The following ATF7 variants were observed in gnomAD, a reference collection of about 807,000 sequenced individuals.
ATF7 encodes cyclic AMP-dependent transcription factor ATF-7.
In ATF7, 10 loss-of-function variants were observed where a neutral mutation model predicts 50.4. The observed-to-expected ratio is 0.20, with a 90% CI of 0.12 to 0.34. The LOEUF (loss-of-function observed/expected upper bound fraction) is 0.34. Among genes scored for constraint, ATF7 ranks in the 10% least tolerant of loss-of-function variants. The pLI, the probability that ATF7 is intolerant of heterozygous loss-of-function variation, is 1.00. For synonymous variants in ATF7, 201 were observed against 226.4 expected, an observed-to-expected ratio of 0.89 and a Z score of 1.01; for missense variants, 465 against 613.9, an observed-to-expected ratio of 0.76 and a Z score of 2.56.
chr12:53,597,808 C>CAAA (rs370329144), intron 2 of ATF7, among the ~76,000 whole-genome samples: 2,948 of 80,726 alleles, frequency 0.037, 123 homozygotes, highest in African/African-American at 0.12. Flanking sequence ...AACTCTGTCT[C>CAAA]AAAAAAAAAA....
intron 2 of ATF7, among the ~76,000 whole-genome samples, chr12:53,560,881 C>T (rs964510670): frequency 7.2e-5 from 11 of 151,942 alleles, no homozygotes; most frequent in African/African-American, 2.7e-4. Context: ...TTTGGCAGTA[C>T]TTCATGGACA....
At chr12:53,539,460 G>A (rs917106130) in intron 4 of ATF7, among the ~76,000 whole-genome samples, 6 of 152,100 alleles carry the variant, frequency 3.9e-5, no homozygotes, top group African/African-American at 9.7e-5. Flanking sequence ...TTGGGAATTC[G>A]AGGTGGGAGG....
intron 11 of ATF7, among the ~76,000 whole-genome samples, chr12:53,520,247 T>C (rs1467047624): frequency 6.6e-6 from 1 of 152,102 alleles, no homozygotes. Context: ...AGCTCTGCTG[T>C]CTCCCTTGGG....
Position 53,517,103 on chromosome 12 carries a change from G to C in ATF7, c.*34C>G. The C allele has an allele frequency of 6.2e-7, 1 of 1,600,324 alleles. No individual in the cohort carries two copies. Among genetic ancestry groups the C allele is most frequent in the Non-Finnish European group, 8.5e-7 (1 of 1,176,042 alleles). Reference sequence around the variant, plus strand: ...TCTCTCTTGGCTCTTGGGCGGGCGAGCTCTGGCTGAGGACCTCTCCACCAG... The same window carrying C: ...TCTCTCTTGGCTCTTGGGCGGGCGACCTCTGGCTGAGGACCTCTCCACCAG... On this transcript the variant is annotated 3_prime_UTR_variant, in exon 12 of 12. Transcript: ENST00000420353.
rs192839644 is a variant in ATF7, at chr12:53,579,859, G to A, written c.48+21094C>T. On this transcript the variant is annotated intron_variant, in intron 2 of 11. Coordinates refer to ENST00000420353, the MANE Select transcript of ATF7 (RefSeq NM_006856.3). ...GCGCAATGCCTCAGCACAGCCCAAC[G>A]GGGTTTTTTCTGTTTACACTTGACT... Among the ~76,000 whole-genome samples the A allele has an allele frequency of 1.2e-4, 19 of 152,272 alleles. No individual in the cohort carries two copies. In the East Asian group the frequency reaches 2.9e-3, roughly 23 times the overall value.
intron 2 of ATF7, among the ~76,000 whole-genome samples, chr12:53,571,638 TAA>T (rs753773388): frequency 1.1e-4 from 15 of 135,626 alleles, no homozygotes; most frequent in Non-Finnish European, 1.1e-4. Flanking sequence ...TCCATCTCTT[TAA>T]AAAAAAAAAA....
chr12:53,533,268 G>C lies in ATF7; in HGVS notation c.561-9C>G. On this transcript the variant is annotated splice_polypyrimidine_tract_variant and intron_variant, in intron 6 of 11. Transcript: ENST00000420353. ...GGGAGCCAGTGGGAGACCTAGAGGA[G>C]ACATGAAGTGAAATGCTCATAACAC... 1 of 1,592,890 alleles carries C rather than the reference G, an allele frequency of 6.3e-7. No homozygotes were observed. The highest frequency in any genetic ancestry group is 8.6e-7 in the Non-Finnish European group (1 of 1,160,956).
intron 1 of ATF7, among the ~76,000 whole-genome samples, chr12:53,624,653 C>A (rs976003610): frequency 2.0e-5 from 3 of 152,248 alleles, no homozygotes; most frequent in Non-Finnish European, 2.9e-5. Context: ...TACCTTACAA[C>A]TTCCATGTGT....
At chr12:53,585,728 T>C (rs1173368374) in intron 2 of ATF7, among the ~76,000 whole-genome samples, 1 of 151,810 alleles carries the variant, frequency 6.6e-6, no homozygotes, top group Non-Finnish European at 1.5e-5. Flanking sequence ...CAGACACTGA[T>C]TTTTCTATCA....
At chr12:53,615,602 G>T (rs1014094556) in intron 1 of ATF7, among the ~76,000 whole-genome samples, 3 of 152,084 alleles carry the variant, frequency 2.0e-5, no homozygotes, top group African/African-American at 7.2e-5. Context: ...GGCTGGATGC[G>T]ATGGCTCACA....
At chr12:53,562,363 G>A (rs1352220721) in intron 2 of ATF7, among the ~76,000 whole-genome samples, 1 of 152,316 alleles carries the variant, frequency 6.6e-6, no homozygotes, top group Admixed American at 6.5e-5. Context: ...ATGTAGGCCG[G>A]GCACGGTGGC....
chr12:53,603,212 A>C (rs1354179732), intron 1 of ATF7, among the ~76,000 whole-genome samples: 1 of 151,544 alleles, frequency 6.6e-6, no homozygotes, highest in African/African-American at 2.4e-5. Context: ...GAGAAGTGGG[A>C]CAGTATTGGC....
At chr12:53,582,326 T>TAA (rs559306732) in intron 2 of ATF7, among the ~76,000 whole-genome samples, 99 of 103,942 alleles carry the variant, frequency 9.5e-4, no homozygotes, top group African/African-American at 3.3e-3. Flanking sequence ...AGACTCTGTC[T>TAA]AAAAAAAAAA....
chr12:53,508,549 ACT>A (rs1303579240), downstream of ATF7, among the ~76,000 whole-genome samples: 1 of 122,494 alleles, frequency 8.2e-6, no homozygotes, highest in South Asian at 3.0e-4. Flanking sequence ...AAAAAGAGAA[ACT>A]CTGTCTCAAA....
chr12:53,535,054 T>C (rs1939136940), intron 5 of ATF7, among the ~76,000 whole-genome samples: 1 of 152,124 alleles, frequency 6.6e-6, no homozygotes, highest in Admixed American at 6.5e-5. Context: ...ATACTGGTAA[T>C]GATGGTAATG....
At chr12:53,615,238 G>T (rs1944071251) in intron 1 of ATF7, among the ~76,000 whole-genome samples, 1 of 151,976 alleles carries the variant, frequency 6.6e-6, no homozygotes, top group South Asian at 2.1e-4. Context: ...AAAAAAATTG[G>T]CCAGGCATGG....
At chr12:53,538,815 A>G (rs1273481147) in intron 4 of ATF7, among the ~76,000 whole-genome samples, 1 of 152,186 alleles carries the variant, frequency 6.6e-6, no homozygotes, top group East Asian at 1.9e-4. Context: ...ACTACATTAG[A>G]GAAGGTAGTA....
chr12:53,516,768 G>C lies in ATF7; in HGVS notation c.*369C>G, dbSNP rs1937729315. ...AAAAGGTAACAGCCACGGCTTAGTGGGAAGAGAGGGAACTGAGAAACCCCA... is the reference window on the plus strand; with the variant it reads ...AAAAGGTAACAGCCACGGCTTAGTGCGAAGAGAGGGAACTGAGAAACCCCA... On this transcript the variant is annotated 3_prime_UTR_variant, in exon 12 of 12. Coordinates refer to ENST00000420353, the MANE Select transcript of ATF7 (RefSeq NM_006856.3). 2 of 223,012 alleles carry C rather than the reference G, an allele frequency of 9.0e-6. No homozygotes were observed. The highest frequency in any genetic ancestry group is 4.4e-5 in the African/African-American group (2 of 45,068). The allele number at this position is 223,012 out of a possible 1,614,324, so 13.8% of individuals were successfully genotyped here.
At chr12:53,511,198 C>CCT (rs1944120515), downstream of ATF7, among the ~76,000 whole-genome samples, 1 of 152,246 alleles carries the variant, frequency 6.6e-6, no homozygotes, top group Admixed American at 6.5e-5. Context: ...TTTCCCTACA[C>CCT]CTCTTCCTGA....
Sources: allele counts gnomAD v4.1 joint callset (sites outside exome capture counted in the v4.1 genomes callset), GRCh38; gene constraint gnomAD v4.1.1; transcripts MANE v1.5; gene names NCBI Gene and HGNC (gene_info 2026-07-23, HGNC 2026-07-21).